The following LINGO2 variants were observed in gnomAD, a reference collection of about 807,000 sequenced individuals.
The protein encoded by LINGO2 is leucine-rich repeat and immunoglobulin-like domain-containing nogo receptor-interacting protein 2.
Under a neutral mutation model 30.6 loss-of-function variants are expected in LINGO2, and 14 were observed. That is an observed-to-expected ratio of 0.46 (90% CI 0.30 to 0.72). LINGO2 has a LOEUF of 0.72. Among genes scored for constraint, LINGO2 ranks in the 30% least tolerant of loss-of-function variants. The pLI is 0.07. For synonymous variants in LINGO2, 317 were observed against 288.5 expected (o/e 1.10, Z -1.00); for missense variants, 729 against 751.7 (o/e 0.97, Z 0.35).
chr9:27,976,205 T>C (rs1820585681), intron 5 of LINGO2, among the ~76,000 whole-genome samples: 1 of 152,158 alleles, frequency 6.6e-6, no homozygotes, highest in Non-Finnish European at 1.5e-5. Flanking sequence ...ACTTACTAAG[T>C]ACCACATGAT....
At chr9:28,837,678 A>T in the LINGO2 span, among the ~76,000 whole-genome samples, 7 of 131,406 alleles carry the variant, frequency 5.3e-5, 1 homozygote, top group Non-Finnish European at 9.6e-5. Flanking sequence ...ATATATATAT[A>T]TATTTAGGAT....
chr9:28,171,731 G>A (rs986017389), intron 4 of LINGO2, among the ~76,000 whole-genome samples: 5 of 151,886 alleles, frequency 3.3e-5, no homozygotes, highest in African/African-American at 4.8e-5. Context: ...CATCTCTGCC[G>A]GGTGTGGTGG....
the LINGO2 span, among the ~76,000 whole-genome samples, chr9:29,121,718 T>C: frequency 6.6e-6 from 1 of 152,084 alleles, no homozygotes; most frequent in Non-Finnish European, 1.5e-5. Flanking sequence ...AGCCACACTG[T>C]CATGACATCT....
At chr9:29,017,977 G>A in the LINGO2 span, among the ~76,000 whole-genome samples, 742 of 150,606 alleles carry the variant, frequency 4.9e-3, 62 homozygotes, top group East Asian at 0.13. Flanking sequence ...TTACAACTTA[G>A]GTGCCTGCCC....
intron 3 of LINGO2, among the ~76,000 whole-genome samples, chr9:28,305,846 C>A (rs556184792): frequency 6.6e-6 from 1 of 152,058 alleles, no homozygotes; most frequent in Non-Finnish European, 1.5e-5. Flanking sequence ...TTTAATTTCT[C>A]TGGCTCCTTG....
rs200936693 is a variant in LINGO2 at position 28,003,386 on chromosome 9, T to G, written c.-36+8969A>C. Reference sequence around the variant, plus strand: ...AGATAGATAGATAGATAGATAGATATAGAGAGAGAGAGAGTTAGAGAGTTC... The same window carrying G: ...AGATAGATAGATAGATAGATAGATAGAGAGAGAGAGAGAGTTAGAGAGTTC... On this transcript the variant is annotated intron_variant, in intron 5 of 5. Coordinates refer to ENST00000379992, the Ensembl canonical transcript of LINGO2. Among the ~76,000 whole-genome samples, 1,020 of 134,922 alleles carry G rather than the reference T, an allele frequency of 7.6e-3. 2 individuals carry two copies. The highest frequency in any genetic ancestry group is 0.013 in the African/African-American group (423 of 33,090). The allele number at this position is 134,922 out of a possible 152,430, so 88.5% of individuals were successfully genotyped here. A position where few individuals can be genotyped will look rare whatever the true frequency, so the allele number is the denominator to read the frequency against.
the LINGO2 span, among the ~76,000 whole-genome samples, chr9:28,825,085 C>T: frequency 6.6e-6 from 1 of 152,096 alleles, no homozygotes; most frequent in Non-Finnish European, 1.5e-5. Context: ...AAGTGTAAGT[C>T]TTATTTGGTC....
chr9:28,485,081 T>C (rs868403297), intron 1 of LINGO2, among the ~76,000 whole-genome samples: 1 of 152,146 alleles, frequency 6.6e-6, no homozygotes, highest in Non-Finnish European at 1.5e-5. Context: ...TAAGATTCCA[T>C]GTAAACCATA....
chr9:28,698,225 T>C, the LINGO2 span, among the ~76,000 whole-genome samples: 9 of 152,104 alleles, frequency 5.9e-5, no homozygotes, highest in Non-Finnish European at 1.0e-4. Context: ...ATTTGCTCAA[T>C]GGTATTTGCA....
the LINGO2 span, among the ~76,000 whole-genome samples, chr9:29,113,229 GA>G: frequency 2.6e-5 from 4 of 152,072 alleles, no homozygotes. Flanking sequence ...AGAAGGATAA[GA>G]CACCAGTTTG....
intron 4 of LINGO2, among the ~76,000 whole-genome samples, chr9:28,190,218 G>T (rs1372159053): frequency 1.3e-5 from 2 of 152,016 alleles, no homozygotes; most frequent in East Asian, 3.9e-4. Context: ...GGGCTTTAAG[G>T]GTTGATAAAC....
chr9:28,575,951 C>CACACAT (rs1252575175), intron 1 of LINGO2, among the ~76,000 whole-genome samples: 2 of 151,694 alleles, frequency 1.3e-5, no homozygotes, highest in South Asian at 2.1e-4. Flanking sequence ...CACACACACA[C>CACACAT]ATACATATCC....
chr9:28,375,089 AACACACACACACACAC>A (rs137914726), intron 2 of LINGO2, among the ~76,000 whole-genome samples: 3 of 141,730 alleles, frequency 2.1e-5, no homozygotes, highest in Non-Finnish European at 4.6e-5. Flanking sequence ...CACACCCCTT[AACACACACACACACAC>A]ACACACACAC....
At chr9:28,350,239 T>G (rs1364264769) in intron 3 of LINGO2, among the ~76,000 whole-genome samples, 1 of 139,120 alleles carries the variant, frequency 7.2e-6, no homozygotes, top group Non-Finnish European at 1.5e-5. Flanking sequence ...ATCAGTGTGC[T>G]GTATTCAGGA....
chr9:28,615,941 T>A (rs1826114625), intron 1 of LINGO2, among the ~76,000 whole-genome samples: 1 of 152,112 alleles, frequency 6.6e-6, no homozygotes, highest in Non-Finnish European at 1.5e-5. Context: ...CATGTAAATT[T>A]AAAAAACTGG....
the LINGO2 span, among the ~76,000 whole-genome samples, chr9:28,858,767 A>G: frequency 3.3e-5 from 5 of 152,116 alleles, no homozygotes; most frequent in African/African-American, 1.2e-4. Context: ...CCCAGATAAA[A>G]CTGAGAAGTG....
chr9:28,049,168 A>T lies in LINGO2; in HGVS notation c.-86-36763T>A, dbSNP rs538729822. 1.1e-3 allele frequency among the ~76,000 whole-genome samples: 170 copies of T among 150,984 alleles called. 11 individuals carry two copies. The highest frequency in any genetic ancestry group is 4.1e-3 in the African/African-American group (168 of 40,954). Reference sequence around the variant, plus strand: ...CTAGTCAGCAATGCATCATGGGACAACATCAAGAGCTCTGTGGCCCATAGT... The same window carrying T: ...CTAGTCAGCAATGCATCATGGGACATCATCAAGAGCTCTGTGGCCCATAGT... On this transcript the variant is annotated intron_variant, in intron 4 of 5. Coordinates refer to ENST00000379992, the Ensembl canonical transcript of LINGO2.
chr9:28,811,490 A>T, the LINGO2 span, among the ~76,000 whole-genome samples: 1 of 151,968 alleles, frequency 6.6e-6, no homozygotes, highest in African/African-American at 2.4e-5. Context: ...GTGAACCCAA[A>T]CCTCTAATCC....
intron 1 of LINGO2, among the ~76,000 whole-genome samples, chr9:28,662,227 G>A (rs1406051350): frequency 6.6e-6 from 1 of 152,138 alleles, no homozygotes; most frequent in African/African-American, 2.4e-5. Context: ...AATCCAGAGC[G>A]GGGCCCAATG....
Sources: allele counts gnomAD v4.1 joint callset (sites outside exome capture counted in the v4.1 genomes callset), GRCh38; gene constraint gnomAD v4.1.1; transcripts MANE v1.5; gene names NCBI Gene and HGNC (gene_info 2026-07-23, HGNC 2026-07-21).